TMEM170B: variants seen among roughly 807,000 people sequenced by gnomAD.
The protein encoded by TMEM170B is transmembrane protein 170B.
A neutral mutation model predicts 13.0 loss-of-function variants in TMEM170B; 6 were observed. The ratio of observed to expected loss-of-function variants is 0.46; its 90% CI spans 0.25 to 0.91. The LOEUF is 0.91. Among genes scored for constraint, TMEM170B ranks in the 40% least tolerant of loss-of-function variants. TMEM170B has a pLI of 0.17. For synonymous variants in TMEM170B, 61 were observed against 64.9 expected (o/e 0.94, Z 0.29); for missense variants, 138 against 165.2 (o/e 0.84, Z 0.90).
chr6:11,573,106 TA>T (rs1214509678), intron 2 of TMEM170B, among the ~76,000 whole-genome samples: 1 of 152,174 alleles, frequency 6.6e-6, no homozygotes, highest in Admixed American at 6.6e-5. Context: ...GTTTTGCATA[TA>T]GCAAATATTT....
intron 1 of TMEM170B, among the ~76,000 whole-genome samples, chr6:11,557,687 T>C (rs1031804083): frequency 6.6e-6 from 1 of 152,196 alleles, no homozygotes; most frequent in Non-Finnish European, 1.5e-5. Flanking sequence ...AAACGTACTT[T>C]TTTATACTCC....
chr6:11,572,150 T>TTC (rs1269372919), intron 2 of TMEM170B, among the ~76,000 whole-genome samples: 1 of 152,162 alleles, frequency 6.6e-6, no homozygotes, highest in African/African-American at 2.4e-5. Context: ...GGCTGAGCAG[T>TTC]TCTGGTTTTA....
intron 1 of TMEM170B, among the ~76,000 whole-genome samples, chr6:11,546,320 T>C (rs970891447): frequency 3.3e-5 from 5 of 152,146 alleles, no homozygotes; most frequent in African/African-American, 1.2e-4. Context: ...AGCTGTACAA[T>C]GTATTTGTGT....
chr6:11,561,845 T>G (rs1759669347), intron 1 of TMEM170B, among the ~76,000 whole-genome samples: 1 of 152,226 alleles, frequency 6.6e-6, no homozygotes, highest in Non-Finnish European at 1.5e-5. Flanking sequence ...ATGATTATTT[T>G]GATACCTTTG....
intron 1 of TMEM170B, 127 bp downstream of exon 1, chr6:11,538,501 C>T: frequency 2.8e-6 from 2 of 702,452 alleles, no homozygotes; most frequent in East Asian, 3.7e-5. Flanking sequence ...GCTCCAGGTC[C>T]CGGCGAGGAA....
intron 2 of TMEM170B, among the ~76,000 whole-genome samples, chr6:11,572,737 T>C (rs1759820894): frequency 6.6e-6 from 1 of 152,152 alleles, no homozygotes; most frequent in Admixed American, 6.5e-5. Flanking sequence ...TTCAGTTTGG[T>C]ATGTATCCGC....
In TMEM170B at chr6:11,546,867, A is replaced by C. The variant is rs1022973580; in HGVS notation, c.97+8493A>C. Reference sequence around the variant, plus strand: ...TCAGAATGTATCCCCGTCATTAGGCAACACATGCCTGTACTATGTTTTTTC... The same window carrying C: ...TCAGAATGTATCCCCGTCATTAGGCCACACATGCCTGTACTATGTTTTTTC... On this transcript the variant is annotated intron_variant, in intron 1 of 2. Coordinates refer to ENST00000379426, the MANE Select transcript of TMEM170B (RefSeq NM_001100829.3). 5.3e-5 allele frequency among the ~76,000 whole-genome samples: 8 copies of C among 152,360 alleles called. No individual in the cohort carries two copies. The East Asian group carries it at 1.5e-3, about 29-fold the overall frequency.
chr6:11,556,236 A>G (rs564467496), intron 1 of TMEM170B, among the ~76,000 whole-genome samples: 1 of 152,328 alleles, frequency 6.6e-6, no homozygotes, highest in South Asian at 2.1e-4. Flanking sequence ...CCGTTAGACC[A>G]ATAGTGAGAA....
chr6:11,538,180 C>T lies in TMEM170B; in HGVS notation c.-98C>T. ...CCGCAGCCTCCACCAGCGGCGGCGG[C>T]CTGGAGGAGCCGCGCACCCGCCGCC... is the stretch of plus-strand genomic sequence containing the variant. On this transcript the variant is annotated 5_prime_UTR_variant, in exon 1 of 3. Coordinates refer to ENST00000379426, the MANE Select transcript of TMEM170B (RefSeq NM_001100829.3). The T allele has an allele frequency of 2.8e-6, 1 of 361,682 alleles. No homozygotes were observed. The highest frequency in any genetic ancestry group is 1.1e-4 in the South Asian group (1 of 9,006). The allele number at this position is 361,682 out of a possible 1,614,324, so 22.4% of individuals were successfully genotyped here. A position where few individuals can be genotyped will look rare whatever the true frequency, so the allele number is the denominator to read the frequency against.
intron 1 of TMEM170B, among the ~76,000 whole-genome samples, chr6:11,540,979 T>C (rs1362431084): frequency 6.6e-6 from 1 of 152,208 alleles, no homozygotes; most frequent in Admixed American, 6.5e-5. Context: ...AGGAATCTTT[T>C]TTTTTTCTGA....
rs574027367 is a variant in TMEM170B at position 11,564,419 on chromosome 6, A to G, written c.98-1247A>G. On this transcript the variant is annotated intron_variant, in intron 1 of 2. Transcript: ENST00000379426. ...TTGATTCATCCATTTTAATTCTTTA[A>G]TGACTATTTTATTGACTTTTCTTTT... Among the ~76,000 whole-genome samples the G allele has an allele frequency of 4.6e-5, 7 of 152,324 alleles. No individual in the cohort carries two copies. In the East Asian group the frequency reaches 1.3e-3, roughly 29 times the overall value.
chr6:11,558,483 T>G (rs1420473900), intron 1 of TMEM170B, among the ~76,000 whole-genome samples: 1 of 152,194 alleles, frequency 6.6e-6, no homozygotes, highest in Non-Finnish European at 1.5e-5. Flanking sequence ...TGGGCAACTT[T>G]AAAAAATTCC....
chr6:11,570,141 T>C (rs1759782035), intron 2 of TMEM170B, among the ~76,000 whole-genome samples: 1 of 152,188 alleles, frequency 6.6e-6, no homozygotes, highest in Non-Finnish European at 1.5e-5. Context: ...CAAGAACATG[T>C]AGTGTAGCTC....
intron 1 of TMEM170B, 150 bp downstream of exon 1, chr6:11,538,524 A>C: frequency 1.6e-6 from 1 of 612,282 alleles, no homozygotes; most frequent in East Asian, 3.6e-5. Context: ...TGTTAATCGG[A>C]GCCACTCTGC....
intron 1 of TMEM170B, among the ~76,000 whole-genome samples, chr6:11,555,417 G>C (rs1431533980): frequency 3.9e-5 from 6 of 152,034 alleles, no homozygotes; most frequent in African/African-American, 1.4e-4. Context: ...CTTGGAAGTG[G>C]GAGGTATTTA....
chr6:11,543,824 T>A (rs1403577135), intron 1 of TMEM170B, among the ~76,000 whole-genome samples: 1 of 152,160 alleles, frequency 6.6e-6, no homozygotes, highest in Non-Finnish European at 1.5e-5. Flanking sequence ...TACAAAGAGA[T>A]GTGATGTGAT....
chr6:11,548,890 CAG>C (rs1188270066), intron 1 of TMEM170B, among the ~76,000 whole-genome samples: 1 of 128,156 alleles, frequency 7.8e-6, no homozygotes, highest in Non-Finnish European at 1.5e-5. Context: ...CACTTGGACA[CAG>C]GGTGGAGAAC....
rs1037349843 is a variant in TMEM170B at position 11,565,611 on chromosome 6, T to G, written c.98-55T>G. The stretch of plus-strand genomic sequence containing the variant: ...CATAGGTGCTCACTGTTTGTTAAAT[T>G]GAATTTTCTAAGTTGTGTTTCAACA... On this transcript the variant is annotated intron_variant, in intron 1 of 2. Coordinates refer to ENST00000379426, the MANE Select transcript of TMEM170B (RefSeq NM_001100829.3). 1.6e-5 allele frequency: 25 copies of G among 1,596,364 alleles called. No homozygotes were observed. In the Admixed American group the frequency reaches 2.0e-4, roughly 13 times the overall value.
intron 1 of TMEM170B, 116 bp from the exon 2 acceptor site, chr6:11,565,550 A>G (rs1759721862): frequency 9.4e-7 from 1 of 1,062,094 alleles, no homozygotes; most frequent in African/African-American, 1.6e-5. Flanking sequence ...TGTGTGAAGC[A>G]TTTTTCTATG....
Sources: gnomAD v4.1 joint callset for allele counts (sites outside exome capture counted in the v4.1 genomes callset) on GRCh38, gnomAD v4.1.1 for gene constraint, MANE v1.5 for transcripts, NCBI Gene and HGNC (gene_info 2026-07-23, HGNC 2026-07-21) for gene names.